The following USP25 variants were observed in gnomAD, a reference collection of about 807,000 sequenced individuals.
USP25 encodes the protein ubiquitin carboxyl-terminal hydrolase 25.
In USP25, 85 loss-of-function variants were observed where a neutral mutation model predicts 158.5. That is an observed-to-expected ratio of 0.54 (90% CI 0.45 to 0.64). The LOEUF is 0.64. Among genes scored for constraint, USP25 ranks in the 30% least tolerant of loss-of-function variants. USP25 has a pLI of 0.00. For synonymous variants in USP25, 464 were observed against 460.4 expected (o/e 1.01, Z -0.10); for missense variants, 1,242 against 1,327.3 (o/e 0.94, Z 1.00).
chr21:15,784,497 G>A (rs1031462225), intron 4 of USP25, among the ~76,000 whole-genome samples: 2 of 152,012 alleles, frequency 1.3e-5, no homozygotes, highest in African/African-American at 4.8e-5. Context: ...GCTTGAACCC[G>A]GGAGGTGGAG....
At chr21:15,837,734 T>C (rs1017325821) in intron 17 of USP25, among the ~76,000 whole-genome samples, 3 of 152,146 alleles carry the variant, frequency 2.0e-5, no homozygotes, top group Non-Finnish European at 4.4e-5. Flanking sequence ...TAGTGAAGAT[T>C]GGAATGAAGT....
rs777757892 is a variant in USP25 at position 15,870,184 on chromosome 21, T to G, written c.2885+37T>G. The G allele has an allele frequency of 1.2e-5, 18 of 1,499,254 alleles. 1 individual carries two copies. The East Asian group carries it at 2.8e-4, about 23-fold the overall frequency. 92.9% of individuals were successfully genotyped at this position (1,499,254 alleles called of 1,614,324 possible). A position where few individuals can be genotyped will look rare whatever the true frequency, so the allele number is the denominator to read the frequency against. Reference sequence around the variant, plus strand: ...TGGACAAATATGAAAAGAGCATAATTTTTGCACTTAATTCTATTCAGGTGT... The same window carrying G: ...TGGACAAATATGAAAAGAGCATAATGTTTGCACTTAATTCTATTCAGGTGT... On this transcript the variant is annotated intron_variant, in intron 23 of 25. Transcript: ENST00000400183.
chr21:15,792,755 A>G (rs1438538305), intron 5 of USP25, among the ~76,000 whole-genome samples: 1 of 151,422 alleles, frequency 6.6e-6, no homozygotes, highest in African/African-American at 2.4e-5. Context: ...GCATAATATC[A>G]TATAATTTGA....
intron 4 of USP25, among the ~76,000 whole-genome samples, chr21:15,788,686 C>CA (rs1471669414): frequency 1.3e-5 from 2 of 152,054 alleles, no homozygotes; most frequent in Non-Finnish European, 2.9e-5. Flanking sequence ...GAAATCATGG[C>CA]ATTCCCCTTT....
At chr21:15,852,951 AAT>A (rs2038953514) in intron 20 of USP25, among the ~76,000 whole-genome samples, 1 of 152,154 alleles carries the variant, frequency 6.6e-6, no homozygotes, top group South Asian at 2.1e-4. Context: ...TCTAGCTGAT[AAT>A]ATGTCACCTT....
intron 12 of USP25, 105 bp downstream of exon 12, chr21:15,825,166 G>A (rs2037438494): frequency 1.3e-6 from 1 of 783,344 alleles, no homozygotes; most frequent in African/African-American, 1.8e-5. Context: ...AATTTTAGGA[G>A]TAGTTAATAT....
chr21:15,781,652 C>T (rs1390996297), intron 4 of USP25, among the ~76,000 whole-genome samples: 1 of 152,062 alleles, frequency 6.6e-6, no homozygotes, highest in Non-Finnish European at 1.5e-5. Flanking sequence ...AGGGAGGAGA[C>T]CAAAGTATCC....
At position 15,823,904 on chromosome 21, in the gene USP25, G is replaced by T. The variant is rs967561129; in HGVS notation, c.1081-135G>T. ...AGAGGTTGAGTTTTAACTAAACTGT[G>T]TACCCAGTTACTTGTCAGGTCCGCA... On this transcript the variant is annotated intron_variant, in intron 10 of 25. Transcript: ENST00000400183. 4.9e-5 allele frequency: 41 copies of T among 832,782 alleles called. No individual in the cohort carries two copies. The African/African-American group carries it at 5.8e-4, about 12-fold the overall frequency. 51.6% of individuals were successfully genotyped at this position (832,782 alleles called of 1,614,324 possible).
chr21:15,788,968 G>A (rs746056675), intron 4 of USP25, among the ~76,000 whole-genome samples: 2 of 151,980 alleles, frequency 1.3e-5, no homozygotes, highest in Non-Finnish European at 2.9e-5. Flanking sequence ...AAGTTATATA[G>A]GAGTGCTGGG....
chr21:15,800,415 T>G (rs2036074330), intron 6 of USP25, among the ~76,000 whole-genome samples: 1 of 151,238 alleles, frequency 6.6e-6, no homozygotes, highest in South Asian at 2.1e-4. Flanking sequence ...ATAATAATAG[T>G]AATTATTTCA....
At chr21:15,794,373 CT>C (rs1206797690) in intron 5 of USP25, among the ~76,000 whole-genome samples, 4 of 151,588 alleles carry the variant, frequency 2.6e-5, no homozygotes, top group Non-Finnish European at 5.9e-5. Flanking sequence ...ATTAGCCTGT[CT>C]TTAGGTTAGA....
chr21:15,810,889 A>G (rs570540087), intron 8 of USP25, among the ~76,000 whole-genome samples: 1 of 152,312 alleles, frequency 6.6e-6, no homozygotes, highest in African/African-American at 2.4e-5. Context: ...TCATACACGT[A>G]GTAGCTCATT....
chr21:15,864,785 C>A (rs1236795021), intron 21 of USP25, among the ~76,000 whole-genome samples: 4 of 152,004 alleles, frequency 2.6e-5, no homozygotes, highest in Non-Finnish European at 5.9e-5. Flanking sequence ...TGGGGCTGTC[C>A]TATGATTGTA....
chr21:15,859,582 G>A (rs1035441829), intron 20 of USP25, among the ~76,000 whole-genome samples: 2 of 152,212 alleles, frequency 1.3e-5, no homozygotes, highest in South Asian at 2.1e-4. Context: ...AGCCCAGCTC[G>A]AAAACATCGT....
chr21:15,774,882 A>G (rs2034548038), intron 3 of USP25, among the ~76,000 whole-genome samples: 1 of 152,216 alleles, frequency 6.6e-6, no homozygotes. Context: ...TTTATTCAAT[A>G]TCGTTTTGCA....
intron 19 of USP25, 57 bp from the exon 20 acceptor site, chr21:15,849,720 G>A: frequency 7.6e-7 from 1 of 1,312,568 alleles, no homozygotes; most frequent in Non-Finnish European, 1.0e-6. Flanking sequence ...GCTTGCATGT[G>A]AATAAATTAT....
chr21:15,846,134 A>G (rs1379019609), intron 18 of USP25, among the ~76,000 whole-genome samples: 1,036 of 44,484 alleles, frequency 0.023, 90 homozygotes, highest in African/African-American at 0.079. Flanking sequence ...ATATATATAT[A>G]TATATATATA....
chr21:15,844,900 A>C (rs574624910), intron 18 of USP25, among the ~76,000 whole-genome samples: 1 of 152,272 alleles, frequency 6.6e-6, no homozygotes, highest in Admixed American at 6.5e-5. Flanking sequence ...AACTCAGTGA[A>C]AACATTTAGT....
chr21:15,795,107 T>A (rs1234039102), intron 5 of USP25, among the ~76,000 whole-genome samples: 1 of 151,546 alleles, frequency 6.6e-6, no homozygotes, highest in Non-Finnish European at 1.5e-5. Context: ...CTAATCCATT[T>A]CTTCTCTATC....
Sources: gnomAD v4.1 joint callset for allele counts (sites outside exome capture counted in the v4.1 genomes callset) on GRCh38, gnomAD v4.1.1 for gene constraint, MANE v1.5 for transcripts, NCBI Gene and HGNC (gene_info 2026-07-23, HGNC 2026-07-21) for gene names.